SLC7A7: variants seen among roughly 807,000 people sequenced by gnomAD.
SLC7A7 encodes the protein Y+L amino acid transporter 1.
A neutral mutation model predicts 47.9 loss-of-function variants in SLC7A7; 39 were observed. That is an observed-to-expected ratio of 0.81 (90% CI 0.63 to 1.06). The LOEUF (loss-of-function observed/expected upper bound fraction) is 1.06, where lower values mean the gene tolerates loss of function less well. SLC7A7 is among the 50% of genes least tolerant of loss of function. SLC7A7 has a pLI of 0.00. For synonymous variants in SLC7A7, 234 were observed against 242.8 expected (o/e 0.96, Z 0.34); for missense variants, 588 against 632.0 (o/e 0.93, Z 0.75).
intron 2 of SLC7A7, among the ~76,000 whole-genome samples, chr14:22,799,476 A>T: frequency 1.2e-5 from 1 of 81,948 alleles, no homozygotes. Context: ...TTTTTTTGAG[A>T]CAGAATCTTG....
intron 2 of SLC7A7, among the ~76,000 whole-genome samples, chr14:22,782,793 C>T (rs558668630): frequency 1.3e-4 from 20 of 151,084 alleles, no homozygotes; most frequent in Non-Finnish European, 2.8e-4. Context: ...ATGGGGATCT[C>T]ACTCTTTCAC....
chr14:22,812,953 G>A lies in SLC7A7; in HGVS notation c.446C>T (p.Pro149Leu), dbSNP rs796145994. 3.0e-5 allele frequency: 48 copies of A among 1,613,802 alleles called. No individual in the cohort carries two copies. The highest frequency in any genetic ancestry group is 1.3e-4 in the Admixed American group (8 of 59,960). Residue 149 changes from proline to leucine, a missense_variant, in exon 2 of 10, where the codon CCG (proline) becomes CTG (leucine). By Grantham distance (98) the Pro-to-Leu change is moderately conservative. Transcript: ENST00000674313. Reference protein sequence around the residue: ...FANYMVQPLFPSCFAPYAASR... With the variant: ...FANYMVQPLFLSCFAPYAASR... ...GGCAGCATAAGGGGCGAAGCAGCTC[G>A]GGAAGAGAGGCTGTACCATGTAGTT...
At chr14:22,793,825 AAAG>A (rs900380297) in intron 2 of SLC7A7, among the ~76,000 whole-genome samples, 3 of 152,026 alleles carry the variant, frequency 2.0e-5, no homozygotes, top group African/African-American at 7.3e-5. Context: ...CGAAAAAAAA[AAAG>A]AAATTATGGT....
At chr14:22,817,319 TTTTTATTTTATTTTATTTTA>T (rs150800938), upstream of SLC7A7, 2 of 203,408 alleles carry the variant, frequency 9.8e-6, no homozygotes, top group Non-Finnish European at 2.0e-5. Flanking sequence ...TATTTCGGTA[TTTTTATTTTATTTTATTTTA>T]TTTTATTTTA....
At chr14:22,783,972 A>G (rs2038766961) in intron 2 of SLC7A7, among the ~76,000 whole-genome samples, 1 of 152,220 alleles carries the variant, frequency 6.6e-6, no homozygotes, top group Non-Finnish European at 1.5e-5. Flanking sequence ...TGGGAGCAGG[A>G]AATGGGTATG....
rs367568645 is a variant in SLC7A7 at position 22,809,629 on chromosome 14, C to T, written c.499+3271G>A. 1.5e-3 allele frequency among the ~76,000 whole-genome samples: 235 copies of T among 152,232 alleles called. 4 individuals carry two copies. Among genetic ancestry groups the T allele is most frequent in the Middle Eastern group, 6.8e-3 (2 of 294 alleles). On this transcript the variant is annotated intron_variant, in intron 2 of 9. Transcript: ENST00000674313. ...GTGCTGGGATTCCAGGCGTGAGCCA[C>T]CATGCCCGGCCTTTTTTGTATTTTT...
At chr14:22,819,426 A>C (rs1249497661), upstream of SLC7A7, among the ~76,000 whole-genome samples, 1 of 145,662 alleles carries the variant, frequency 6.9e-6, no homozygotes. Flanking sequence ...AAAAAAAAAA[A>C]GTGAAACAAA....
At position 22,779,969 on chromosome 14, in the gene SLC7A7, T is replaced by G. The variant is rs1470498980; in HGVS notation, c.582A>C (p.Ala194=). ...TGCCTGCAACGATGACCGCGATCAG[T>G]GCCAATACTTTAGCATAGGTGAAAA... ...QDIFTYAKVL[A]LIAVIVAGIV... is the part of the protein sequence containing the mutation. The change falls in exon 3 of 10, where the codon GCA becomes GCC. Residue 194 remains alanine (A), a synonymous_variant. Transcript: ENST00000674313. 1 of 1,614,162 alleles carries G rather than the reference T, an allele frequency of 6.2e-7. No homozygotes were observed. Among genetic ancestry groups the G allele is most frequent in the Non-Finnish European group, 8.5e-7 (1 of 1,180,030 alleles).
At chr14:22,816,751 C>T (rs2039412564), upstream of SLC7A7, among the ~76,000 whole-genome samples, 1 of 152,086 alleles carries the variant, frequency 6.6e-6, no homozygotes, top group Non-Finnish European at 1.5e-5. Flanking sequence ...TTTGGTTATT[C>T]TACAACCAGA....
chr14:22,797,650 G>A (rs1211249826), intron 2 of SLC7A7, among the ~76,000 whole-genome samples: 1 of 152,122 alleles, frequency 6.6e-6, no homozygotes, highest in African/African-American at 2.4e-5. Flanking sequence ...GTGCATGGAG[G>A]CTGCTGCTGG....
rs886050406 is a variant in SLC7A7, at chr14:22,815,343, G to A, written c.-66C>T. 2.2e-6 allele frequency: 1 copy of A among 454,580 alleles called. No homozygotes were observed. Among genetic ancestry groups the A allele is most frequent in the East Asian group, 6.9e-5 (1 of 14,394 alleles). The allele number at this position is 454,580 out of a possible 1,614,324, so 28.2% of individuals were successfully genotyped here. ...ACTCCTTGGTCCTGGATATAAGCAG[G>A]TTCTCACGGCAGTGTGAGCAGCAGT... is the stretch of plus-strand genomic sequence containing the variant. On this transcript the variant is annotated 5_prime_UTR_variant, in exon 1 of 10. Transcript: ENST00000674313.
chr14:22,813,202 C>G lies in SLC7A7; in HGVS notation c.197G>C (p.Ser66Thr). Residue 66 changes from serine (S) to threonine (T), a missense_variant, in exon 2 of 10, where the codon AGT (serine) becomes ACT (threonine). Transcript: ENST00000674313. ...GACCAGAGAGAGACCAAAGGAGGCA[C>G]TGTATATGAGCACACCCTTGGGGGA... ...FVSPKGVLIYSASFGLSLVIW... is the reference protein window; with the variant it reads ...FVSPKGVLIYTASFGLSLVIW... 1 of 1,614,194 alleles carries G rather than the reference C, an allele frequency of 6.2e-7. No individual in the cohort carries two copies. The highest frequency in any genetic ancestry group is 8.5e-7 in the Non-Finnish European group (1 of 1,180,036).
At chr14:22,779,725 A>G (rs962709611) in intron 3 of SLC7A7, among the ~76,000 whole-genome samples, 5 of 152,056 alleles carry the variant, frequency 3.3e-5, no homozygotes, top group Non-Finnish European at 5.9e-5. Context: ...AAGTGCTGGG[A>G]TTACAAGCAC....
chr14:22,778,065 ACT>A (rs1023152513), intron 4 of SLC7A7, among the ~76,000 whole-genome samples: 9 of 151,940 alleles, frequency 5.9e-5, no homozygotes, highest in Admixed American at 1.3e-4. Context: ...ATACAGCAAG[ACT>A]CTCTCCAAAA....
At chr14:22,817,320 T>A (rs767013167), upstream of SLC7A7, 1 of 47,026 alleles carries the variant, frequency 2.1e-5, no homozygotes, top group South Asian at 4.9e-4. Context: ...ATTTCGGTAT[T>A]TTTATTTTAT....
intron 2 of SLC7A7, among the ~76,000 whole-genome samples, chr14:22,811,990 T>C (rs182325972): frequency 2.5e-4 from 38 of 151,774 alleles, no homozygotes; most frequent in African/African-American, 8.2e-4. Flanking sequence ...GCTAGATAAA[T>C]AAACTACTAT....
chr14:22,817,365 A>C (rs1428583605), upstream of SLC7A7: 1 of 184,256 alleles, frequency 5.4e-6, no homozygotes, highest in Non-Finnish European at 1.1e-5. Context: ...TTTGAGACAG[A>C]CACTTACTCT....
intron 2 of SLC7A7, among the ~76,000 whole-genome samples, chr14:22,784,004 G>C (rs1391274446): frequency 2.0e-5 from 3 of 152,224 alleles, no homozygotes; most frequent in Non-Finnish European, 2.9e-5. Flanking sequence ...TGCTGACAGG[G>C]CTTTTTGTCC....
chr14:22,777,892 G>A (rs1324031977), intron 4 of SLC7A7, among the ~76,000 whole-genome samples: 1 of 152,162 alleles, frequency 6.6e-6, no homozygotes, highest in Admixed American at 6.5e-5. Flanking sequence ...TGGCCAACAT[G>A]GTGAAACCCA....
Sources: allele counts gnomAD v4.1 joint callset (sites outside exome capture counted in the v4.1 genomes callset), GRCh38; gene constraint gnomAD v4.1.1; transcripts MANE v1.5; gene names NCBI Gene and HGNC (gene_info 2026-07-23, HGNC 2026-07-21).